The following PDE5A variants were observed in gnomAD, a reference collection of about 807,000 sequenced individuals.
PDE5A encodes the protein phosphodiesterase 5A, also known as cGMP-specific 3',5'-cyclic phosphodiesterase.
A neutral mutation model predicts 110.2 loss-of-function variants in PDE5A; 67 were observed. The observed-to-expected ratio is 0.61, with a 90% CI of 0.50 to 0.75. The LOEUF is 0.75. PDE5A is among the 30% of genes least tolerant of loss of function. PDE5A has a pLI of 0.00. For synonymous variants in PDE5A, 328 were observed against 351.2 expected, an observed-to-expected ratio of 0.93 and a Z score of 0.74; for missense variants, 862 against 1,045.1, an observed-to-expected ratio of 0.82 and a Z score of 2.42.
intron 14 of PDE5A, among the ~76,000 whole-genome samples, chr4:119,516,378 A>T (rs1026075548): frequency 1.3e-5 from 2 of 152,346 alleles, no homozygotes; most frequent in African/African-American, 4.8e-5. Context: ...ATAATTATTC[A>T]TTATCTATCT....
intron 16 of PDE5A, among the ~76,000 whole-genome samples, chr4:119,506,346 A>C (rs1332399072): frequency 6.6e-6 from 1 of 151,858 alleles, no homozygotes; most frequent in African/African-American, 2.4e-5. Context: ...AAAGTTGTGA[A>C]GTGCTTCTGA....
intron 19 of PDE5A, among the ~76,000 whole-genome samples, chr4:119,501,485 G>A (rs141970528): frequency 2.6e-5 from 4 of 152,050 alleles, no homozygotes; most frequent in African/African-American, 4.8e-5. Context: ...TTTTATTAGC[G>A]ACAGGGTTTC....
chr4:119,565,688 A>G (rs1727906027), intron 4 of PDE5A, among the ~76,000 whole-genome samples: 2 of 152,052 alleles, frequency 1.3e-5, no homozygotes, highest in South Asian at 4.1e-4. Flanking sequence ...TATTCCATGC[A>G]AAATTTGGTT....
intron 1 of PDE5A, among the ~76,000 whole-genome samples, chr4:119,619,279 A>G (rs1201871646): frequency 1.3e-5 from 2 of 152,196 alleles, no homozygotes; most frequent in African/African-American, 2.4e-5. Flanking sequence ...AAAATACTTA[A>G]AAGAATGAAA....
At chr4:119,624,763 G>A (rs1019315452) in intron 1 of PDE5A, among the ~76,000 whole-genome samples, 2 of 152,164 alleles carry the variant, frequency 1.3e-5, no homozygotes, top group Non-Finnish European at 2.9e-5. Flanking sequence ...AACAACAGCT[G>A]TTAAGCAGCA....
chr4:119,622,392 T>A (rs1036991228), intron 1 of PDE5A, among the ~76,000 whole-genome samples: 4 of 151,860 alleles, frequency 2.6e-5, no homozygotes, highest in African/African-American at 9.7e-5. Context: ...GGTGATCCTT[T>A]CTCTCCCGAT....
In PDE5A at chr4:119,572,644, A is replaced by G. The variant is rs537014727; in HGVS notation, c.832-5500T>C. 3.0e-4 allele frequency among the ~76,000 whole-genome samples: 46 copies of G among 152,338 alleles called. 1 individual carries two copies. The South Asian group carries it at 9.5e-3, about 32-fold the overall frequency. On this transcript the variant is annotated intron_variant, in intron 3 of 20. Coordinates refer to ENST00000354960, the MANE Select transcript of PDE5A (RefSeq NM_001083.4). ...GACAGTAAACATCCATGCCTTTGCC[A>G]TCTAAAACAGTGTTAGTGTGAGACT...
intron 14 of PDE5A, chr4:119,512,241 T>A (rs544256908): frequency 6.6e-6 from 1 of 152,104 alleles, no homozygotes; most frequent in Non-Finnish European, 1.5e-5. Context: ...ATAGGACAGA[T>A]AATCTCATCT....
chr4:119,495,754 C>G lies in PDE5A; in HGVS notation c.*2847G>C, dbSNP rs888539902. ...TGGGTTTGTACCTTGAAGCAATATA[C>G]TCAATGAGCTCTAAATCTCACATTC... On this transcript the variant is annotated 3_prime_UTR_variant, in exon 21 of 21. Coordinates refer to ENST00000354960, the MANE Select transcript of PDE5A (RefSeq NM_001083.4). The G allele has an allele frequency of 1.3e-5, 2 of 152,200 alleles. No individual in the cohort carries two copies. Among genetic ancestry groups the G allele is most frequent in the African/African-American group, 4.8e-5 (2 of 41,442 alleles). The allele number at this position is 152,200 out of a possible 1,614,324, so 9.4% of individuals were successfully genotyped here.
chr4:119,525,676 G>T lies in PDE5A; in HGVS notation c.1652C>A (p.Ala551Asp). ...AAAGTCAGTAATTTTAAGGGTCTGG[G>T]CAGATGGCACCACAGCAGCCTTGGG... The part of the protein sequence containing the change: ...QSLAAAVVPS[A>D]QTLKITDFSF... The change falls in exon 12 of 21, where the codon GCC (alanine) becomes GAC (aspartate). Residue 551 changes from alanine (A) to aspartate (D), a missense_variant. By Grantham distance (126) the Ala-to-Asp change is moderately radical. Coordinates refer to ENST00000354960, the MANE Select transcript of PDE5A (RefSeq NM_001083.4). The surrounding 1 kb of genome is among the most constrained non-coding windows in gnomAD (Gnocchi z 4.3). 2 of 1,612,338 alleles carry T rather than the reference G, an allele frequency of 1.2e-6. No individual in the cohort carries two copies. Among genetic ancestry groups the T allele is most frequent in the East Asian group, 2.2e-5 (1 of 44,814 alleles).
chr4:119,610,708 G>C (rs1414650325), intron 1 of PDE5A, among the ~76,000 whole-genome samples: 1 of 152,096 alleles, frequency 6.6e-6, no homozygotes, highest in East Asian at 1.9e-4. Flanking sequence ...CTAAATTTCT[G>C]TTTCCTTCAA....
At position 119,606,854 on chromosome 4, in the gene PDE5A, A is replaced by AACTT; in HGVS notation, c.592_595dup (p.Phe199Ter). On this transcript the variant is annotated stop_gained and frameshift_variant, in exon 2 of 21. Coordinates refer to ENST00000354960, the MANE Select transcript of PDE5A (RefSeq NM_001083.4). LOFTEE classifies it high-confidence loss of function. ...AACATCAAAGAGGCGGCTGATAAGA[A>AACTT]ACTTGTCATTGGAGCTGTCTTCACA... The AACTT allele has an allele frequency of 6.2e-7, 1 of 1,614,226 alleles. No individual in the cohort carries two copies. The highest frequency in any genetic ancestry group is 1.1e-5 in the South Asian group (1 of 91,078).
At chr4:119,619,139 T>C (rs1730049515) in intron 1 of PDE5A, among the ~76,000 whole-genome samples, 1 of 152,202 alleles carries the variant, frequency 6.6e-6, no homozygotes, top group Non-Finnish European at 1.5e-5. Flanking sequence ...CTGCTAAAAT[T>C]AGGGAAAACA....
chr4:119,554,712 C>T (rs1578771019), intron 7 of PDE5A, among the ~76,000 whole-genome samples: 1 of 152,046 alleles, frequency 6.6e-6, no homozygotes, highest in African/African-American at 2.4e-5. Context: ...ATACACCCAA[C>T]TGCAGTACTG....
chr4:119,618,562 T>C (rs944785262), intron 1 of PDE5A, among the ~76,000 whole-genome samples: 4 of 152,112 alleles, frequency 2.6e-5, no homozygotes, highest in Non-Finnish European at 5.9e-5. Context: ...GTGATAAACA[T>C]TTAACTGAAA....
chr4:119,605,244 C>T (rs1729486363), intron 2 of PDE5A, among the ~76,000 whole-genome samples: 2 of 152,162 alleles, frequency 1.3e-5, no homozygotes, highest in South Asian at 4.1e-4. Flanking sequence ...TCCTACTTGC[C>T]TATCTCTTCT....
intron 2 of PDE5A, among the ~76,000 whole-genome samples, chr4:119,605,672 C>T (rs985758263): frequency 6.6e-6 from 1 of 151,838 alleles, no homozygotes; most frequent in African/African-American, 2.4e-5. Flanking sequence ...TTTTCTCTAT[C>T]TTTCCCACTA....
intron 13 of PDE5A, 51 bp from the exon 14 acceptor site, chr4:119,519,190 A>C: frequency 5.3e-6 from 7 of 1,319,782 alleles, no homozygotes; most frequent in Non-Finnish European, 7.7e-6. Flanking sequence ...TAATGTGGTG[A>C]AGGACATTAT....
intron 9 of PDE5A, 73 bp from the exon 10 acceptor site, chr4:119,542,707 C>G (rs542472674): frequency 7.7e-7 from 1 of 1,290,576 alleles, no homozygotes; most frequent in African/African-American, 1.5e-5. Flanking sequence ...AACAAACACA[C>G]CCAAAGATTG....
Sources: gnomAD v4.1 joint callset for allele counts (sites outside exome capture counted in the v4.1 genomes callset) on GRCh38, gnomAD v4.1.1 for gene constraint, Gnocchi (gnomAD v3.1) non-coding constraint, MANE v1.5 for transcripts, NCBI Gene and HGNC (gene_info 2026-07-23, HGNC 2026-07-21) for gene names.